HECW1: variants seen among roughly 807,000 people sequenced by gnomAD.
The protein encoded by HECW1 is E3 ubiquitin-protein ligase HECW1.
HECW1 carries 61 observed loss-of-function variants against 182.3 expected under a neutral mutation model. The ratio of observed to expected loss-of-function variants is 0.33; its 90% CI spans 0.27 to 0.41. The LOEUF (loss-of-function observed/expected upper bound fraction) is 0.41. HECW1 is among the 10% of genes least tolerant of loss of function. The pLI is 1.00. For missense variants in HECW1, 1,739 were observed against 2,108.9 expected, an observed-to-expected ratio of 0.82 and a Z score of 3.44; for synonymous variants, 859 against 832.6, an observed-to-expected ratio of 1.03 and a Z score of -0.55.
chr7:43,472,732 A>T (rs890741313), intron 16 of HECW1, among the ~76,000 whole-genome samples: 1 of 152,222 alleles, frequency 6.6e-6, no homozygotes, highest in Non-Finnish European at 1.5e-5. Context: ...ATGTTCTGGA[A>T]TGTCTTTAAA....
rs1784730659 is a variant in HECW1 at position 43,112,932 on chromosome 7, G to T, written c.-272G>T. The stretch of plus-strand genomic sequence containing the variant: ...CATGATCTGTGCCCAGGCCAGGGCT[G>T]CCAAGGTAAGCGGGCGTAGCGCGGG... On this transcript the variant is annotated 5_prime_UTR_variant, in exon 1 of 30. Transcript: ENST00000395891. The T allele has an allele frequency of 4.7e-6, 1 of 214,510 alleles. No homozygotes were observed. The highest frequency in any genetic ancestry group is 9.4e-6 in the Non-Finnish European group (1 of 106,122). 13.3% of individuals were successfully genotyped at this position (214,510 alleles called of 1,614,324 possible).
chr7:43,197,352 A>G (rs1398263929), intron 2 of HECW1, among the ~76,000 whole-genome samples: 1 of 152,130 alleles, frequency 6.6e-6, no homozygotes, highest in Non-Finnish European at 1.5e-5. Flanking sequence ...CAGCTTTTCC[A>G]GATAATGACT....
At chr7:43,516,225 C>T (rs372590757) in intron 24 of HECW1, among the ~76,000 whole-genome samples, 1 of 151,690 alleles carries the variant, frequency 6.6e-6, no homozygotes, top group Non-Finnish European at 1.5e-5. Context: ...ACATACTTGG[C>T]GCTCAGTAAA....
At chr7:43,288,805 G>T (rs904610838) in intron 3 of HECW1, among the ~76,000 whole-genome samples, 4 of 152,188 alleles carry the variant, frequency 2.6e-5, no homozygotes, top group Non-Finnish European at 4.4e-5. Flanking sequence ...TGACAAATGT[G>T]CAGTGGTTCA....
chr7:43,355,496 C>A (rs1357089908), intron 5 of HECW1, among the ~76,000 whole-genome samples: 2 of 151,814 alleles, frequency 1.3e-5, no homozygotes, highest in East Asian at 3.9e-4. Flanking sequence ...TGTTTCTATT[C>A]TTTGTGATCT....
chr7:43,541,507 G>A lies in HECW1; in HGVS notation c.4118+246G>A, dbSNP rs576814827. The stretch of plus-strand genomic sequence containing the variant: ...TATCAAAATCTCATATCATGGAGAT[G>A]AATCATTTTATATAAAATTATAATA... On this transcript the variant is annotated intron_variant, in intron 25 of 29. Coordinates refer to ENST00000395891, the MANE Select transcript of HECW1 (RefSeq NM_015052.5). Among the ~76,000 whole-genome samples the A allele has an allele frequency of 2.0e-5, 3 of 152,282 alleles. No individual in the cohort carries two copies. In the South Asian group the frequency reaches 6.2e-4, roughly 32 times the overall value.
intron 2 of HECW1, among the ~76,000 whole-genome samples, chr7:43,114,834 C>T (rs1784915186): frequency 6.6e-6 from 1 of 152,018 alleles, no homozygotes; most frequent in South Asian, 2.1e-4. Flanking sequence ...CTGGAACAGC[C>T]CATCAATGTA....
chr7:43,557,366 A>G (rs1248689149), intron 29 of HECW1, among the ~76,000 whole-genome samples: 2 of 152,236 alleles, frequency 1.3e-5, no homozygotes, highest in Non-Finnish European at 2.9e-5. Context: ...AGACACCGCC[A>G]CAGCAAAACC....
intron 3 of HECW1, chr7:43,274,248 C>G (rs1334510444): frequency 5.2e-6 from 4 of 763,288 alleles, no homozygotes; most frequent in Non-Finnish European, 8.4e-6. Flanking sequence ...CTACTGCATG[C>G]GAATCTTTGC....
intron 6 of HECW1, chr7:43,396,537 A>C (rs903281174): frequency 2.2e-5 from 7 of 325,522 alleles, no homozygotes; most frequent in Non-Finnish European, 3.5e-5. Context: ...CATGGTTTGC[A>C]TAAGTAGTTA....
At chr7:43,547,717 C>T (rs114214270) in intron 26 of HECW1, among the ~76,000 whole-genome samples, 220 of 152,312 alleles carry the variant, frequency 1.4e-3, no homozygotes, top group African/African-American at 4.8e-3. Context: ...GATGGGCAAC[C>T]ACATCTGCAG....
intron 2 of HECW1, among the ~76,000 whole-genome samples, chr7:43,236,731 G>A (rs1018829318): frequency 2.0e-5 from 3 of 152,162 alleles, no homozygotes; most frequent in Non-Finnish European, 4.4e-5. Flanking sequence ...GAGCTGTGAA[G>A]ATTAGCTATC....
intron 2 of HECW1, among the ~76,000 whole-genome samples, chr7:43,139,100 T>A (rs370314193): frequency 6.6e-6 from 1 of 152,158 alleles, no homozygotes; most frequent in East Asian, 1.9e-4. Flanking sequence ...CCATCTCCAT[T>A]TTATTATGAT....
At chr7:43,493,369 G>A (rs1467604359) in intron 19 of HECW1, among the ~76,000 whole-genome samples, 189 bp downstream of exon 19, 2 of 151,976 alleles carry the variant, frequency 1.3e-5, no homozygotes. Context: ...AATCAGAGAT[G>A]GTCATATTAT....
chr7:43,492,038 C>A (rs757894343), intron 17 of HECW1, 37 bp from the exon 18 acceptor site: 1 of 1,471,948 alleles, frequency 6.8e-7, no homozygotes, highest in South Asian at 1.2e-5. Context: ...GAAATTGATA[C>A]AAATTTCTAA....
chr7:43,287,479 A>AT (rs1804799241), intron 3 of HECW1, among the ~76,000 whole-genome samples: 1 of 151,910 alleles, frequency 6.6e-6, no homozygotes, highest in South Asian at 2.1e-4. Context: ...GGCAGAGGGG[A>AT]TGTGATCTGA....
chr7:43,150,475 T>A (rs527281592), intron 2 of HECW1, among the ~76,000 whole-genome samples: 1 of 152,130 alleles, frequency 6.6e-6, no homozygotes, highest in Admixed American at 6.5e-5. Flanking sequence ...GCTTCCTGGG[T>A]TCAAGTGATT....
At chr7:43,282,247 T>C (rs1173397250) in intron 3 of HECW1, among the ~76,000 whole-genome samples, 1 of 152,230 alleles carries the variant, frequency 6.6e-6, no homozygotes, top group African/African-American at 2.4e-5. Flanking sequence ...TGCATCACTT[T>C]AATGAACAGA....
chr7:43,336,124 TTCTCTCTCTCTCTCTC>T lies in HECW1; in HGVS notation c.460+15386_460+15401del, dbSNP rs1233029672. On this transcript the variant is annotated intron_variant, in intron 5 of 29. Coordinates refer to ENST00000395891, the MANE Select transcript of HECW1 (RefSeq NM_015052.5). ...CTTTCTTCTTTCTTTCTTTCTTTCT[TTCTCTCTCTCTCTCTC>T]TCTTTCTCTCTCTCTCTCTCTCTCT... 4.5e-3 allele frequency among the ~76,000 whole-genome samples: 291 copies of T among 64,284 alleles called. 5 individuals are homozygous for T. Among genetic ancestry groups the T allele is most frequent in the Middle Eastern group, 0.022 (2 of 90 alleles). The allele number at this position is 64,284 out of a possible 152,430, so 42.2% of individuals were successfully genotyped here.
Sources: gnomAD v4.1 joint callset for allele counts (sites outside exome capture counted in the v4.1 genomes callset) on GRCh38, gnomAD v4.1.1 for gene constraint, MANE v1.5 for transcripts, NCBI Gene and HGNC (gene_info 2026-07-23, HGNC 2026-07-21) for gene names.